The following MEGF11 variants were observed in gnomAD, a reference collection of about 807,000 sequenced individuals.
MEGF11 encodes the protein multiple epidermal growth factor-like domains protein 11.
Under a neutral mutation model 146.6 loss-of-function variants are expected in MEGF11, and 126 were observed. That is an observed-to-expected ratio of 0.86 (90% CI 0.74 to 1.00). The LOEUF (loss-of-function observed/expected upper bound fraction) is 1.00. MEGF11 is among the 50% of genes least tolerant of loss of function. The probability of loss-of-function intolerance (pLI) is 0.00; values close to 1 mark genes in which losing one functional copy is unlikely to be tolerated. For synonymous variants in MEGF11, 532 were observed against 583.4 expected (o/e 0.91, Z 1.27); for missense variants, 1,509 against 1,521.2 (o/e 0.99, Z 0.13).
At chr15:66,074,656 T>C (rs1233755738) in intron 5 of MEGF11, among the ~76,000 whole-genome samples, 1 of 152,222 alleles carries the variant, frequency 6.6e-6, no homozygotes, top group Non-Finnish European at 1.5e-5. Context: ...TGAATCTAGG[T>C]TGTGGTAGAA....
intron 4 of MEGF11, among the ~76,000 whole-genome samples, chr15:66,114,456 C>T (rs370424595): frequency 2.0e-5 from 3 of 152,228 alleles, no homozygotes; most frequent in Admixed American, 6.5e-5. Flanking sequence ...CAGCAAAACT[C>T]AGTATGCTCA....
intron 4 of MEGF11, among the ~76,000 whole-genome samples, 162 bp from the exon 5 acceptor site, chr15:66,094,656 G>A (rs2086463580): frequency 1.3e-5 from 2 of 152,180 alleles, no homozygotes; most frequent in South Asian, 4.1e-4. Flanking sequence ...CCTGACCTGA[G>A]TTATTTAATT....
intron 10 of MEGF11, among the ~76,000 whole-genome samples, chr15:65,942,175 C>G (rs1444182815): frequency 2.0e-5 from 3 of 152,186 alleles, no homozygotes; most frequent in Non-Finnish European, 4.4e-5. Flanking sequence ...TCCCCTAGAC[C>G]AGGCTGCCTT....
intron 19 of MEGF11, among the ~76,000 whole-genome samples, chr15:65,914,391 C>A (rs1053359546): frequency 6.6e-6 from 1 of 152,150 alleles, no homozygotes; most frequent in African/African-American, 2.4e-5. Flanking sequence ...TTGAACACAG[C>A]TCCTCTCCCT....
intron 1 of MEGF11, among the ~76,000 whole-genome samples, chr15:66,154,823 A>G (rs909656771): frequency 1.1e-4 from 16 of 152,096 alleles, no homozygotes; most frequent in African/African-American, 3.9e-4. Context: ...TCAGTGGGGG[A>G]AGGGAAGGGC....
chr15:66,127,868 C>T (rs1292899541), intron 2 of MEGF11, among the ~76,000 whole-genome samples: 1 of 152,170 alleles, frequency 6.6e-6, no homozygotes, highest in African/African-American at 2.4e-5. Flanking sequence ...TCAGGGCAGG[C>T]TGCTGGGGCC....
chr15:65,926,594 A>C (rs750410593), intron 13 of MEGF11, among the ~76,000 whole-genome samples: 5 of 152,180 alleles, frequency 3.3e-5, no homozygotes, highest in Non-Finnish European at 7.4e-5. Context: ...CTTGAGGCAG[A>C]GGTGAGTGGG....
chr15:66,154,405 C>T (rs888153495), intron 1 of MEGF11, among the ~76,000 whole-genome samples: 7 of 152,106 alleles, frequency 4.6e-5, no homozygotes, highest in East Asian at 1.9e-4. Context: ...CAAGGGGCTG[C>T]GAAATTAATC....
At chr15:66,180,988 A>G (rs1329867293) in intron 1 of MEGF11, among the ~76,000 whole-genome samples, 1 of 152,220 alleles carries the variant, frequency 6.6e-6, no homozygotes, top group Admixed American at 6.5e-5. Context: ...GCTCATTTAC[A>G]TCTTATGCGA....
intron 1 of MEGF11, among the ~76,000 whole-genome samples, chr15:66,209,146 C>G (rs1052349403): frequency 6.6e-6 from 1 of 151,848 alleles, no homozygotes; most frequent in Non-Finnish European, 1.5e-5. Flanking sequence ...GTCAGGAGAT[C>G]GAGACCATCC....
At chr15:66,186,070 C>T (rs1011441134) in intron 1 of MEGF11, among the ~76,000 whole-genome samples, 21 of 152,144 alleles carry the variant, frequency 1.4e-4, no homozygotes, top group South Asian at 2.1e-4. Context: ...GGTTCAGCTT[C>T]GCCTAGACAG....
chr15:66,246,736 A>G (rs1312668136), intron 1 of MEGF11, among the ~76,000 whole-genome samples: 2 of 152,154 alleles, frequency 1.3e-5, no homozygotes, highest in Non-Finnish European at 2.9e-5. Flanking sequence ...GTTTGACCCA[A>G]GCAGGTCAAG....
chr15:65,897,856 A>G lies in MEGF11; in HGVS notation c.*78T>C. On this transcript the variant is annotated 3_prime_UTR_variant, in exon 26 of 26. Transcript: ENST00000395614. ...GCAGCTGGAGCCAGTCTGTACCATT[A>G]CTTCAAGTCAAGGGACTGTCTTCTT... The G allele has an allele frequency of 7.2e-7, 1 of 1,380,236 alleles. No homozygotes were observed. 85.5% of individuals were successfully genotyped at this position (1,380,236 alleles called of 1,614,324 possible).
intron 1 of MEGF11, among the ~76,000 whole-genome samples, chr15:66,184,134 A>G (rs1374547096): frequency 1.3e-5 from 2 of 152,192 alleles, no homozygotes; most frequent in African/African-American, 2.4e-5. Context: ...TATATTCACT[A>G]TCTTTATTAT....
At position 66,188,117 on chromosome 15, in the gene MEGF11, A is replaced by C. The variant is rs2090761629; in HGVS notation, c.-8-59706T>G. On this transcript the variant is annotated intron_variant, in intron 1 of 25. Transcript: ENST00000395614. ...CCTGGCCTCTATGCACTAATGTAGT[A>C]ACACCCCCCCATGCCCCATCCTTAC... Among the ~76,000 whole-genome samples the C allele has an allele frequency of 2.1e-5, 3 of 143,808 alleles. No homozygotes were observed. The South Asian group carries it at 7.1e-4, about 34-fold the overall frequency. 94.3% of individuals were successfully genotyped at this position (143,808 alleles called of 152,430 possible).
intron 1 of MEGF11, among the ~76,000 whole-genome samples, chr15:66,150,823 CGAGAGAGAGAGA>C (rs66595752): frequency 4.1e-3 from 428 of 104,344 alleles, no homozygotes; most frequent in African/African-American, 1.0e-2. Context: ...AATGCCCTGT[CGAGAGAGAGAGA>C]GAGAGAGAGA....
rs1205418610 is a variant in MEGF11 at position 65,975,021 on chromosome 15, A to C, written c.763-4332T>G. On this transcript the variant is annotated intron_variant, in intron 7 of 25. Coordinates refer to ENST00000395614, the MANE Select transcript of MEGF11 (RefSeq NM_001385028.1). ...CCACCACGCCCAGCTAATTTTTGGTATTTTTAGTAGAGATGGGGTTTCACC... is the reference window on the plus strand; with the variant it reads ...CCACCACGCCCAGCTAATTTTTGGTCTTTTTAGTAGAGATGGGGTTTCACC... 2.0e-5 allele frequency among the ~76,000 whole-genome samples: 3 copies of C among 151,920 alleles called. No homozygotes were observed. In the East Asian group the frequency reaches 5.8e-4, roughly 30 times the overall value.
intron 1 of MEGF11, among the ~76,000 whole-genome samples, chr15:66,158,066 T>C (rs184733567): frequency 3.8e-4 from 58 of 152,214 alleles, no homozygotes; most frequent in Non-Finnish European, 7.2e-4. Flanking sequence ...GATGAAATGT[T>C]CACTTGCGTG....
intron 4 of MEGF11, among the ~76,000 whole-genome samples, chr15:66,098,454 G>A (rs2086644832): frequency 1.3e-5 from 2 of 152,156 alleles, no homozygotes; most frequent in Admixed American, 6.5e-5. Flanking sequence ...CTAGTTAATG[G>A]AACTATAAAA....
Sources: gnomAD v4.1 joint callset for allele counts (sites outside exome capture counted in the v4.1 genomes callset) on GRCh38, gnomAD v4.1.1 for gene constraint, MANE v1.5 for transcripts, NCBI Gene and HGNC (gene_info 2026-07-23, HGNC 2026-07-21) for gene names.